Variants in SLC28A1 observed in about 807,000 individuals in gnomAD.
SLC28A1 encodes the protein sodium/nucleoside cotransporter 1.
A neutral mutation model predicts 74.8 loss-of-function variants in SLC28A1; 64 were observed. The observed-to-expected ratio is 0.86, with a 90% CI of 0.70 to 1.05. The LOEUF is 1.05. SLC28A1 is among the 50% of genes least tolerant of loss of function. The pLI is 0.00. For synonymous variants in SLC28A1, 359 were observed against 335.0 expected (o/e 1.07, Z -0.78); for missense variants, 828 against 822.8 (o/e 1.01, Z -0.08).
chr15:84,935,059 T>TG lies in SLC28A1; in HGVS notation c.1252dup (p.Ala418GlyfsTer70). On this transcript the variant is annotated frameshift_variant, in exon 14 of 19. Coordinates refer to ENST00000394573, the MANE Select transcript of SLC28A1 (RefSeq NM_004213.5). LOFTEE classifies it high-confidence loss of function. ...AGAACCTCATAGAAGCAGCCAGCAC[T>TG]GGGGCCGCCATCTCCGTGAAGGTGG... 2 of 1,614,148 alleles carry TG rather than the reference T, an allele frequency of 1.2e-6. No homozygotes were observed. Among genetic ancestry groups the TG allele is most frequent in the Non-Finnish European group, 1.7e-6 (2 of 1,179,970 alleles).
At chr15:84,916,352 C>G (rs1969106350) in intron 9 of SLC28A1, among the ~76,000 whole-genome samples, 1 of 151,442 alleles carries the variant, frequency 6.6e-6, no homozygotes, top group Non-Finnish European at 1.5e-5. Flanking sequence ...AGTAATCCTC[C>G]CACTTCAGCC....
At chr15:84,965,564 C>T in the SLC28A1 span, among the ~76,000 whole-genome samples, 6 of 152,164 alleles carry the variant, frequency 3.9e-5, no homozygotes, top group Middle Eastern at 3.4e-3. Flanking sequence ...GCCTCCTTTG[C>T]GGTGGATGGG....
At chr15:84,894,580 C>A (rs1410271639) in intron 5 of SLC28A1, among the ~76,000 whole-genome samples, 1 of 152,132 alleles carries the variant, frequency 6.6e-6, no homozygotes. Context: ...CTGATGGGCT[C>A]GTCTCCTTCC....
the SLC28A1 span, among the ~76,000 whole-genome samples, chr15:84,950,877 G>A: frequency 1.3e-5 from 2 of 151,990 alleles, no homozygotes; most frequent in African/African-American, 4.8e-5. Context: ...AGCTTTCGTG[G>A]GCCATATTGC....
In SLC28A1 at chr15:84,887,624, G is replaced by C. The variant is rs372779684; in HGVS notation, c.-16-121G>C. 1.7e-5 allele frequency: 26 copies of C among 1,541,948 alleles called. No homozygotes were observed. The African/African-American group carries it at 2.0e-4, about 12-fold the overall frequency. On this transcript the variant is annotated intron_variant, in intron 2 of 18. Coordinates refer to ENST00000394573, the MANE Select transcript of SLC28A1 (RefSeq NM_004213.5). Reference sequence around the variant, plus strand: ...ATGGCATAGGTGGCCCCCAGGCAGGGCTCTGGCTGTGCCAGGCATCTGCTC... The same window carrying C: ...ATGGCATAGGTGGCCCCCAGGCAGGCCTCTGGCTGTGCCAGGCATCTGCTC...
In SLC28A1 at chr15:84,887,804, C is replaced by T. The variant is rs779710704; in HGVS notation, c.44C>T (p.Thr15Ile). The T allele has an allele frequency of 6.8e-6, 11 of 1,614,148 alleles. No individual in the cohort carries two copies. The South Asian group carries it at 8.8e-5, about 13-fold the overall frequency. ...PSRRRESISL[T>I]PVAKGLENMG... is the part of the protein sequence containing the mutation. ...AGACGAAGAGAGTCCATCTCTCTCACACCTGTGGCCAAGGGTCTGGAGAAC... is the reference window on the plus strand; with the variant it reads ...AGACGAAGAGAGTCCATCTCTCTCATACCTGTGGCCAAGGGTCTGGAGAAC... The change falls in exon 3 of 19, where the codon ACA becomes ATA. Residue 15 changes from threonine (T) to isoleucine (I), a missense_variant. Thr to Ile is a moderately conservative substitution (Grantham distance 89, BLOSUM62 -1). This residue lies in a region of SLC28A1 where 767 missense variants were observed against 753.5 expected (regional missense o/e 1.02). Coordinates refer to ENST00000394573, the MANE Select transcript of SLC28A1 (RefSeq NM_004213.5).
At position 84,928,593 on chromosome 15, in the gene SLC28A1, TC is replaced by T. The variant is rs1567172527; in HGVS notation, c.1083+4484del. On this transcript the variant is annotated intron_variant, in intron 12 of 18. Transcript: ENST00000394573. ...TTCTTTCTTTCTTTCTTTCTTTCTTTCTTTCTTTCTTTTCTTTCTTTCTTTT... is the reference window on the plus strand; with the variant it reads ...TTCTTTCTTTCTTTCTTTCTTTCTTTTTTCTTTCTTTTCTTTCTTTCTTTT... Among the ~76,000 whole-genome samples the T allele has an allele frequency of 3.1e-4, 7 of 22,700 alleles. 1 individual carries two copies. The highest frequency in any genetic ancestry group is 1.8e-3 in the African/African-American group (5 of 2,748). 14.9% of individuals were successfully genotyped at this position (22,700 alleles called of 152,430 possible).
At chr15:84,959,610 C>T in the SLC28A1 span, among the ~76,000 whole-genome samples, 14 of 152,160 alleles carry the variant, frequency 9.2e-5, no homozygotes, top group African/African-American at 4.8e-5. Flanking sequence ...ACTTTTCTAT[C>T]AACTTGTTTC....
chr15:84,969,998 A>G, the SLC28A1 span, among the ~76,000 whole-genome samples: 1 of 152,240 alleles, frequency 6.6e-6, no homozygotes, highest in Non-Finnish European at 1.5e-5. Context: ...AGAGGACCTA[A>G]CTAGAAATAG....
chr15:84,905,472 C>A (rs1185013021), intron 7 of SLC28A1, 67 bp from the exon 8 acceptor site: 12 of 1,124,504 alleles, frequency 1.1e-5, no homozygotes, highest in Non-Finnish European at 1.6e-5. Flanking sequence ...CCTGCTCTCA[C>A]CCCCACCCGG....
the SLC28A1 span, among the ~76,000 whole-genome samples, chr15:84,964,615 G>A: frequency 1.3e-5 from 2 of 152,168 alleles, no homozygotes; most frequent in Non-Finnish European, 2.9e-5. Context: ...ATCAATGATG[G>A]TACCAGGGAC....
At chr15:84,930,930 C>T (rs1330016801) in intron 12 of SLC28A1, among the ~76,000 whole-genome samples, 8 of 151,984 alleles carry the variant, frequency 5.3e-5, no homozygotes, top group Admixed American at 2.6e-4. Flanking sequence ...CCACCACACC[C>T]GGATAATTTT....
At chr15:84,956,452 T>TTTCTTTCTTTCC in the SLC28A1 span, among the ~76,000 whole-genome samples, 10 of 76,144 alleles carry the variant, frequency 1.3e-4, no homozygotes, top group African/African-American at 5.1e-4. Context: ...CCTTTCTTTC[T>TTTCTTTCTTTCC]TTCTTTCTTT....
At chr15:84,912,588 C>A (rs1968419171) in intron 9 of SLC28A1, among the ~76,000 whole-genome samples, 1 of 152,068 alleles carries the variant, frequency 6.6e-6, no homozygotes, top group Non-Finnish European at 1.5e-5. Context: ...GATCATACTC[C>A]CCTGGGTCTG....
chr15:84,940,212 A>G (rs1972490904), intron 15 of SLC28A1, among the ~76,000 whole-genome samples: 2 of 152,228 alleles, frequency 1.3e-5, no homozygotes, highest in Admixed American at 1.3e-4. Context: ...TACCATCCAC[A>G]TACATAACTA....
At chr15:84,897,465 G>A (rs931468640) in intron 6 of SLC28A1, among the ~76,000 whole-genome samples, 2 of 152,136 alleles carry the variant, frequency 1.3e-5, no homozygotes, top group Non-Finnish European at 2.9e-5. Flanking sequence ...TATTAGATTG[G>A]TGCAGAAGTA....
chr15:84,964,782 A>G, the SLC28A1 span, among the ~76,000 whole-genome samples: 3 of 150,916 alleles, frequency 2.0e-5, no homozygotes, highest in African/African-American at 7.3e-5. Flanking sequence ...ATTAGATGGG[A>G]AGAATCTTTC....
At chr15:84,954,026 A>G in the SLC28A1 span, among the ~76,000 whole-genome samples, 2 of 152,162 alleles carry the variant, frequency 1.3e-5, no homozygotes, top group Non-Finnish European at 2.9e-5. Context: ...CTTCTACTGA[A>G]TTGGATTTCT....
intron 4 of SLC28A1, among the ~76,000 whole-genome samples, chr15:84,889,898 G>A (rs1290886612): frequency 2.7e-5 from 4 of 147,624 alleles, no homozygotes; most frequent in Non-Finnish European, 5.9e-5. Context: ...TCTGTTGCCT[G>A]GGCTGGAGTG....
Sources: gnomAD v4.1 joint callset for allele counts (sites outside exome capture counted in the v4.1 genomes callset) on GRCh38, gnomAD v4.1.1 for gene constraint, gnomAD v4.1.1 regional missense constraint, MANE v1.5 for transcripts, NCBI Gene and HGNC (gene_info 2026-07-23, HGNC 2026-07-21) for gene names.